Variants in PLOD1 observed in about 807,000 individuals in gnomAD.
The protein encoded by PLOD1 is procollagen-lysine,2-oxoglutarate 5-dioxygenase 1, also known as lysine hydroxylase.
In PLOD1, 70 loss-of-function variants were observed where a neutral mutation model predicts 94.7. The observed-to-expected ratio is 0.74, with a 90% confidence interval of 0.61 to 0.90. The LOEUF is 0.90. PLOD1 is among the 40% of genes least tolerant of loss of function. The pLI is 0.00. For synonymous variants in PLOD1, 417 were observed against 400.2 expected (o/e 1.04, Z -0.50); for missense variants, 905 against 972.7 (o/e 0.93, Z 0.93).
At chr1:11,965,425 T>G (rs1569724422) in intron 13 of PLOD1, 55 bp from the exon 14 acceptor site, 4 of 962,618 alleles carry the variant, frequency 4.2e-6, no homozygotes, top group Middle Eastern at 2.5e-4. Flanking sequence ...AGGGGAGGGG[T>G]GAGGGCAGGG....
At chr1:11,935,238 TC>T (rs1177319463) in intron 1 of PLOD1, among the ~76,000 whole-genome samples, 1 of 152,142 alleles carries the variant, frequency 6.6e-6, no homozygotes, top group Non-Finnish European at 1.5e-5. Flanking sequence ...AAACTGAGGC[TC>T]CAGAGTTCAT....
At chr1:11,968,198 C>A (rs2100762348) in intron 16 of PLOD1, among the ~76,000 whole-genome samples, 1 of 152,278 alleles carries the variant, frequency 6.6e-6, no homozygotes, top group East Asian at 1.9e-4. Flanking sequence ...AGGTAAGCTA[C>A]CCACCTCGGC....
chr1:11,949,874 C>T lies in PLOD1; in HGVS notation c.270C>T (p.Asp90=). The T allele has an allele frequency of 6.2e-7, 1 of 1,614,150 alleles. No homozygotes were observed. The highest frequency in any genetic ancestry group is 8.5e-7 in the Non-Finnish European group (1 of 1,180,010). Residue 90 remains aspartate, a synonymous_variant, in exon 3 of 19, where the codon GAC becomes GAT. Coordinates refer to ENST00000196061, the MANE Select transcript of PLOD1 (RefSeq NM_000302.4). ...LLKKALEKHA[D]KEDLVILFAD... is the part of the protein sequence containing the mutation. ...AGAAAGCTCTGGAGAAGCACGCAGACAAGGAGGATCTGGTCATTCTCTTCG... is the reference window on the plus strand; with the variant it reads ...AGAAAGCTCTGGAGAAGCACGCAGATAAGGAGGATCTGGTCATTCTCTTCG...
At position 11,957,978 on chromosome 1, in the gene PLOD1, CG is replaced by C; in HGVS notation, c.843+41del. The C allele has an allele frequency of 7.4e-7, 1 of 1,351,494 alleles. No individual in the cohort carries two copies. Among genetic ancestry groups the C allele is most frequent in the Non-Finnish European group, 1.1e-6 (1 of 940,024 alleles). 83.7% of individuals were successfully genotyped at this position (1,351,494 alleles called of 1,614,324 possible). On this transcript the variant is annotated intron_variant, in intron 8 of 18. Transcript: ENST00000196061. The surrounding 1 kb of genome is among the most constrained non-coding windows in gnomAD (Gnocchi z 4.1). ...CGCCCAGGCCTGTGCCTGAGGGACA[CG>C]GGGGGCTCAGTCCCCTGAGATGGCG...
chr1:11,974,365 TAG>T (rs1645888555), intron 18 of PLOD1, among the ~76,000 whole-genome samples: 1 of 152,134 alleles, frequency 6.6e-6, no homozygotes, highest in African/African-American at 2.4e-5. Flanking sequence ...GTATTTTTAG[TAG>T]AGATGGGGTC....
At chr1:11,973,207 A>C (rs1645879201) in intron 18 of PLOD1, among the ~76,000 whole-genome samples, 1 of 152,106 alleles carries the variant, frequency 6.6e-6, no homozygotes, top group Non-Finnish European at 1.5e-5. Flanking sequence ...TACTATTTTA[A>C]GAGATTTTTG....
chr1:11,950,354 C>T lies in PLOD1; in HGVS notation c.303-3C>T. On this transcript the variant is annotated splice_polypyrimidine_tract_variant and splice_region_variant and intron_variant, in intron 3 of 18. Transcript: ENST00000196061. ...CTCCGTCTTCTCGCTGCTCTGGCCA[C>T]AGCTATGACGTGCTGTTTGCATCGG... The T allele has an allele frequency of 1.2e-6, 2 of 1,614,080 alleles. No homozygotes were observed.
In PLOD1 at chr1:11,938,702, C is replaced by T. The variant is rs147362038; in HGVS notation, c.76+3847C>T. ...GGGAAGGGGATTTGCTGTGGAGTCT[C>T]GGGGAGTGAGATGGGTGGGGTGCTG... On this transcript the variant is annotated intron_variant, in intron 1 of 18. Coordinates refer to ENST00000196061, the MANE Select transcript of PLOD1 (RefSeq NM_000302.4). 3.3e-3 allele frequency among the ~76,000 whole-genome samples: 503 copies of T among 151,972 alleles called. 1 individual carries two copies. Among genetic ancestry groups the T allele is most frequent in the African/African-American group, 0.012 (479 of 41,430 alleles).
intron 9 of PLOD1, among the ~76,000 whole-genome samples, chr1:11,959,201 G>A (rs1030145868): frequency 3.3e-5 from 5 of 151,408 alleles, no homozygotes; most frequent in African/African-American, 4.9e-5. Flanking sequence ...GCAAAACTCC[G>A]TCTCAAAAAA....
At chr1:11,948,236 C>CA (rs528065586) in intron 2 of PLOD1, among the ~76,000 whole-genome samples, 169 bp downstream of exon 2, 22 of 152,214 alleles carry the variant, frequency 1.4e-4, no homozygotes, top group African/African-American at 4.1e-4. Flanking sequence ...GAAGACACAG[C>CA]AGAGGACACA....
At position 11,963,575 on chromosome 1, in the gene PLOD1, G is replaced by T. The variant is rs2230896; in HGVS notation, c.1141G>T (p.Val381Leu). Residue 381 changes from valine (V) to leucine (L), a missense_variant, in exon 11 of 19, where the codon GTG (valine) becomes TTG (leucine). Coordinates refer to ENST00000196061, the MANE Select transcript of PLOD1 (RefSeq NM_000302.4). The surrounding 1 kb of genome is among the most constrained non-coding windows in gnomAD (Gnocchi z 4.3). Reference sequence around the variant, plus strand: ...CCGCAGCTGCACCTACTACTTCAGCGTGGATGCTGACGTGGCCCTGACCGA... The same window carrying T: ...CCGCAGCTGCACCTACTACTTCAGCTTGGATGCTGACGTGGCCCTGACCGA... ...QDRSCTYYFS[V>L]DADVALTEPN... is the part of the protein sequence containing the mutation. 7.5e-6 allele frequency: 12 copies of T among 1,605,070 alleles called. No homozygotes were observed. The highest frequency in any genetic ancestry group is 9.3e-6 in the Non-Finnish European group (11 of 1,176,530).
chr1:11,975,010 C>G lies in PLOD1; in HGVS notation c.*202C>G. 3.1e-6 allele frequency: 2 copies of G among 653,416 alleles called. No homozygotes were observed. Among genetic ancestry groups the G allele is most frequent in the Middle Eastern group, 4.1e-4 (1 of 2,460 alleles). 40.5% of individuals were successfully genotyped at this position (653,416 alleles called of 1,614,324 possible). On this transcript the variant is annotated 3_prime_UTR_variant, in exon 19 of 19. Transcript: ENST00000196061. Reference sequence around the variant, plus strand: ...ACACACCTTTATGGCTGGGGCTCTCCGTGGTGTTCTGGACCCAGCCCCTGG... The same window carrying G: ...ACACACCTTTATGGCTGGGGCTCTCGGTGGTGTTCTGGACCCAGCCCCTGG...
intron 13 of PLOD1, among the ~76,000 whole-genome samples, chr1:11,965,192 C>T (rs974642694): frequency 6.6e-6 from 1 of 151,722 alleles, no homozygotes; most frequent in Admixed American, 6.6e-5. Flanking sequence ...GAAGTTTTCC[C>T]CTGTGACCAA....
chr1:11,967,597 G>GTGTATATATATATATA (rs1391982281), intron 16 of PLOD1, among the ~76,000 whole-genome samples: 5 of 59,786 alleles, frequency 8.4e-5, no homozygotes, highest in Middle Eastern at 7.7e-3. Context: ...GTGTGTGTGT[G>GTGTATATATATATATA]TATATATATA....
rs1645892067 is a variant in PLOD1 at position 11,974,743 on chromosome 1, T to C, written c.2119T>C (p.Tyr707His). The C allele has an allele frequency of 6.2e-7, 1 of 1,613,976 alleles. No homozygotes were observed. Among genetic ancestry groups the C allele is most frequent in the Non-Finnish European group, 8.5e-7 (1 of 1,179,878 alleles). ...CATGCACCCTGGACGACTCACGCAT[T>C]ACCATGAGGGGCTCCCCACCACCAG... Reference protein sequence around the residue: ...TLMHPGRLTHYHEGLPTTRGT... With the variant: ...TLMHPGRLTHHHEGLPTTRGT... Residue 707 changes from tyrosine to histidine, a missense_variant, in exon 19 of 19, where the codon TAC becomes CAC. Tyr to His is a moderately conservative substitution (Grantham distance 83). Coordinates refer to ENST00000196061, the MANE Select transcript of PLOD1 (RefSeq NM_000302.4).
chr1:11,953,711 G>A (rs941665589), intron 5 of PLOD1, among the ~76,000 whole-genome samples: 3 of 151,588 alleles, frequency 2.0e-5, no homozygotes, highest in Admixed American at 2.0e-4. Context: ...AGAATTGCTT[G>A]GACCTGGGAG....
chr1:11,950,826 G>T (rs1465919262), intron 4 of PLOD1, among the ~76,000 whole-genome samples: 5 of 152,034 alleles, frequency 3.3e-5, no homozygotes, highest in African/African-American at 4.8e-5. Flanking sequence ...CGGCATCTCA[G>T]TCTGTTGCCC....
In PLOD1 at chr1:11,972,693, G is replaced by T; in HGVS notation, c.1903-179G>T. On this transcript the variant is annotated intron_variant, in intron 17 of 18. Coordinates refer to ENST00000196061, the MANE Select transcript of PLOD1 (RefSeq NM_000302.4). This position sits in a 1 kb window ranked among gnomAD's most constrained non-coding sequence, Gnocchi z 4.6. The stretch of plus-strand genomic sequence containing the variant: ...TCCCCTCTGTCCATACATTTTTGTT[G>T]AGAACCTTTTCTGTGCCAGGTAGTT... 1.0e-5 allele frequency: 5 copies of T among 496,248 alleles called. No individual in the cohort carries two copies. Among genetic ancestry groups the T allele is most frequent in the South Asian group, 1.8e-5 (1 of 54,482 alleles). 30.7% of individuals were successfully genotyped at this position (496,248 alleles called of 1,614,324 possible).
chr1:11,975,109 C>T lies in PLOD1; in HGVS notation c.*301C>T. ...TGTCTTCCTGAAAAACCAAGGCCCCCTTCCCCCACCTCTTCCATGGGGTGA... is the reference window on the plus strand; with the variant it reads ...TGTCTTCCTGAAAAACCAAGGCCCCTTTCCCCCACCTCTTCCATGGGGTGA... On this transcript the variant is annotated 3_prime_UTR_variant, in exon 19 of 19. Transcript: ENST00000196061. 2.2e-6 allele frequency: 1 copy of T among 463,350 alleles called. No homozygotes were observed. The highest frequency in any genetic ancestry group is 4.0e-6 in the Non-Finnish European group (1 of 252,060). 28.7% of individuals were successfully genotyped at this position (463,350 alleles called of 1,614,324 possible). A position where few individuals can be genotyped will look rare whatever the true frequency, so the allele number is the denominator to read the frequency against.
Sources: gnomAD v4.1 joint callset for allele counts (sites outside exome capture counted in the v4.1 genomes callset) on GRCh38, gnomAD v4.1.1 for gene constraint, Gnocchi (gnomAD v3.1) non-coding constraint, MANE v1.5 for transcripts, NCBI Gene and HGNC (gene_info 2026-07-23, HGNC 2026-07-21) for gene names.